FAM228B: variants seen among roughly 807,000 people sequenced by gnomAD.
FAM228B encodes the protein family with sequence similarity 228 member B.
In FAM228B, 38 loss-of-function variants were observed where a neutral mutation model predicts 42.6. The ratio of observed to expected loss-of-function variants is 0.89; its 90% CI spans 0.69 to 1.17. The LOEUF (loss-of-function observed/expected upper bound fraction) is 1.17, where lower values mean the gene tolerates loss of function less well. Ranked by LOEUF, FAM228B falls within the 50% of genes most tolerant of loss-of-function variation. The probability of loss-of-function intolerance (pLI) is 0.00; values close to 1 mark genes in which losing one functional copy is unlikely to be tolerated. For missense variants in FAM228B, 344 were observed against 367.3 expected, an observed-to-expected ratio of 0.94 and a Z score of 0.52; for synonymous variants, 109 against 122.3, an observed-to-expected ratio of 0.89 and a Z score of 0.72.
intron 3 of FAM228B, among the ~76,000 whole-genome samples, chr2:24,113,864 C>T (rs1665841533): frequency 6.6e-6 from 1 of 151,958 alleles, no homozygotes; most frequent in African/African-American, 2.4e-5. Context: ...GTGACAAGAG[C>T]AAAACTCTGT....
intron 3 of FAM228B, among the ~76,000 whole-genome samples, chr2:24,109,788 T>C (rs1329712631): frequency 6.6e-6 from 1 of 152,212 alleles, no homozygotes; most frequent in Non-Finnish European, 1.5e-5. Flanking sequence ...AAATAATAGA[T>C]GTTGGCGAGG....
Position 24,079,330 on chromosome 2 carries a change from C to T in FAM228B, c.-289-1546C>T, listed in dbSNP as rs1664894283. 5 of 1,168,146 alleles carry T rather than the reference C, an allele frequency of 4.3e-6. No individual in the cohort carries two copies. The South Asian group carries it at 4.8e-5, about 11-fold the overall frequency. The allele number at this position is 1,168,146 out of a possible 1,614,324, so 72.4% of individuals were successfully genotyped here. On this transcript the variant is annotated intron_variant, in intron 1 of 10. Coordinates refer to the FAM228B transcript ENST00000613899. ...TCTTTATCTTCAGAGGGGGAGGTTT[C>T]TTCATAGAAACTAACCTCCGTAATC... is the stretch of plus-strand genomic sequence containing the variant.
At chr2:24,155,531 A>ATTTTTTTTTTTT (rs70944720) in intron 7 of FAM228B, among the ~76,000 whole-genome samples, 1 of 13,038 alleles carries the variant, frequency 7.7e-5, no homozygotes, top group African/African-American at 2.2e-4. Context: ...ATATATATAT[A>ATTTTTTTTTTTT]TTTTTTTTTT....
chr2:24,087,735 C>G (rs1464238331), intron 2 of FAM228B, among the ~76,000 whole-genome samples: 1 of 151,720 alleles, frequency 6.6e-6, no homozygotes, highest in Admixed American at 6.6e-5. Context: ...CTCAGCCTCC[C>G]GAGTAGCTGG....
chr2:24,159,374 A>G (rs1667236801), intron 7 of FAM228B, among the ~76,000 whole-genome samples: 1 of 152,266 alleles, frequency 6.6e-6, no homozygotes, highest in African/African-American at 2.4e-5. Flanking sequence ...TCATTCTATT[A>G]CAATGTGATA....
chr2:24,091,042 A>C (rs1174430955), intron 2 of FAM228B, among the ~76,000 whole-genome samples: 1 of 152,338 alleles, frequency 6.6e-6, no homozygotes, highest in East Asian at 1.9e-4. Context: ...ATTAATTCGG[A>C]AGTTTTAGTC....
chr2:24,106,153 C>A (rs1464540564), intron 3 of FAM228B, among the ~76,000 whole-genome samples: 1 of 151,998 alleles, frequency 6.6e-6, no homozygotes, highest in African/African-American at 2.4e-5. Context: ...CCCCAAGACA[C>A]ATAATCGTCA....
At chr2:24,119,483 T>C (rs1412256832), upstream of FAM228B, 9 of 847,834 alleles carry the variant, frequency 1.1e-5, no homozygotes, top group East Asian at 1.3e-4. Context: ...TCCTCCTTTC[T>C]GCCCTAGCTG....
rs13406445 is a variant in FAM228B at position 24,095,804 on chromosome 2, T to C, written c.-121+575T>C. On this transcript the variant is annotated intron_variant, in intron 3 of 10. Transcript: ENST00000613899. The surrounding 1 kb of genome is among the most constrained non-coding windows in gnomAD (Gnocchi z 4.8). ...TCTGAGAACGGACAGACTGCCTCCTTAAGTGGGTCCCTCACCCCCATGTAG... is the reference window on the plus strand; with the variant it reads ...TCTGAGAACGGACAGACTGCCTCCTCAAGTGGGTCCCTCACCCCCATGTAG... The C allele has an allele frequency of 0.12, 18,139 of 152,254 alleles. 1,269 individuals are homozygous for C. The highest frequency in any genetic ancestry group is 0.18 in the South Asian group (864 of 4,826). The allele number at this position is 152,254 out of a possible 1,614,324, so 9.4% of individuals were successfully genotyped here.
chr2:24,119,179 C>G (rs181353292), upstream of FAM228B, among the ~76,000 whole-genome samples: 11 of 152,218 alleles, frequency 7.2e-5, no homozygotes, highest in South Asian at 2.1e-4. Context: ...CTGTCTCCCC[C>G]CTCCCCTATC....
intron 2 of FAM228B, among the ~76,000 whole-genome samples, chr2:24,085,474 A>T (rs754157958): frequency 6.6e-6 from 1 of 152,024 alleles, no homozygotes; most frequent in Non-Finnish European, 1.5e-5. Flanking sequence ...CCCACTACAT[A>T]TCCGTAGCAC....
At chr2:24,125,986 C>G (rs1024967206) in intron 2 of FAM228B, among the ~76,000 whole-genome samples, 3 of 152,152 alleles carry the variant, frequency 2.0e-5, no homozygotes, top group Non-Finnish European at 4.4e-5. Context: ...TGCCACTCAC[C>G]CATGTTGTAT....
At chr2:24,140,283 T>G (rs1450390897) in intron 5 of FAM228B, among the ~76,000 whole-genome samples, 1 of 152,116 alleles carries the variant, frequency 6.6e-6, no homozygotes, top group Non-Finnish European at 1.5e-5. Context: ...TTCAAGAGAT[T>G]CTCCCACCTC....
chr2:24,139,127 T>C (rs1666686684), intron 4 of FAM228B, among the ~76,000 whole-genome samples: 1 of 152,184 alleles, frequency 6.6e-6, no homozygotes, highest in Non-Finnish European at 1.5e-5. Context: ...TCCCAAATCT[T>C]TTAGTGTTCC....
At chr2:24,164,421 A>G (rs1245432542) in intron 9 of FAM228B, 86 bp downstream of exon 9, 9 of 1,391,152 alleles carry the variant, frequency 6.5e-6, no homozygotes, top group Non-Finnish European at 8.6e-6. Context: ...CTTTCTTTGT[A>G]TGGCAGGCTT....
At chr2:24,089,304 A>G (rs938345070) in intron 2 of FAM228B, among the ~76,000 whole-genome samples, 14 of 152,224 alleles carry the variant, frequency 9.2e-5, no homozygotes, top group Non-Finnish European at 1.5e-4. Flanking sequence ...AACAAGAAAT[A>G]GCCAAGGTCT....
At chr2:24,162,310 A>G (rs1174963037) in intron 8 of FAM228B, among the ~76,000 whole-genome samples, 1 of 152,212 alleles carries the variant, frequency 6.6e-6, no homozygotes, top group Non-Finnish European at 1.5e-5. Flanking sequence ...AGAGTGAAAG[A>G]TGTTGTTGTA....
upstream of FAM228B, among the ~76,000 whole-genome samples, chr2:24,122,033 T>C (rs1666134084): frequency 6.6e-6 from 1 of 152,208 alleles, no homozygotes; most frequent in African/African-American, 2.4e-5. Flanking sequence ...AAAAAGTTCA[T>C]TTAAAAGTCA....
chr2:24,100,004 T>A (rs76995310), intron 3 of FAM228B, among the ~76,000 whole-genome samples: 7 of 152,010 alleles, frequency 4.6e-5, no homozygotes, highest in African/African-American at 1.7e-4. Context: ...ACCTGACAAA[T>A]ACAAGCAATG....
Sources: allele counts gnomAD v4.1 joint callset (sites outside exome capture counted in the v4.1 genomes callset), GRCh38; gene constraint gnomAD v4.1.1; non-coding constraint Gnocchi (gnomAD v3.1); transcripts MANE v1.5; gene names NCBI Gene and HGNC (gene_info 2026-07-23, HGNC 2026-07-21).